ZNF385D: variants seen among roughly 807,000 people sequenced by gnomAD.
The protein encoded by ZNF385D is zinc finger protein 659.
A neutral mutation model predicts 35.8 loss-of-function variants in ZNF385D; 15 were observed. The ratio of observed to expected loss-of-function variants is 0.42; its 90% CI spans 0.28 to 0.64. The LOEUF (loss-of-function observed/expected upper bound fraction) is 0.64, where lower values mean the gene tolerates loss of function less well. Ranked by LOEUF, ZNF385D falls within the 30% of genes least tolerant of loss-of-function variation. The pLI, the probability that ZNF385D is intolerant of heterozygous loss-of-function variation, is 0.23. For missense variants in ZNF385D, 474 were observed against 494.6 expected (o/e 0.96, Z 0.39); for synonymous variants, 212 against 186.8 (o/e 1.13, Z -1.10).
intron 3 of ZNF385D, chr3:21,978,420 A>ATTTTTGC (rs939187173): frequency 2.6e-5 from 4 of 152,140 alleles, no homozygotes; most frequent in African/African-American, 9.7e-5. Flanking sequence ...TAATTTATTT[A>ATTTTTGC]TTTTTGCTTT....
chr3:21,468,988 A>C (rs1251452355), intron 4 of ZNF385D, among the ~76,000 whole-genome samples: 1 of 152,136 alleles, frequency 6.6e-6, no homozygotes, highest in Non-Finnish European at 1.5e-5. Flanking sequence ...GGAAAAACAA[A>C]GGTACTGTGA....
chr3:22,279,968 T>G (rs1268889430), intron 2 of ZNF385D, among the ~76,000 whole-genome samples: 1 of 152,054 alleles, frequency 6.6e-6, no homozygotes, highest in Non-Finnish European at 1.5e-5. Flanking sequence ...ATTTTAAAAT[T>G]ATGGCCATTC....
intron 4 of ZNF385D, among the ~76,000 whole-genome samples, chr3:21,493,034 C>T (rs572617659): frequency 1.4e-4 from 22 of 152,084 alleles, no homozygotes; most frequent in African/African-American, 5.3e-4. Context: ...TGGTTAGAAT[C>T]TTGGACTACA....
chr3:22,032,592 T>G (rs1036342503), intron 3 of ZNF385D, among the ~76,000 whole-genome samples: 1 of 152,132 alleles, frequency 6.6e-6, no homozygotes, highest in East Asian at 1.9e-4. Flanking sequence ...AAGCAGTGTA[T>G]AGAACTAGTA....
chr3:21,638,403 C>T (rs1366189421), intron 2 of ZNF385D, among the ~76,000 whole-genome samples: 1 of 152,004 alleles, frequency 6.6e-6, no homozygotes, highest in Non-Finnish European at 1.5e-5. Flanking sequence ...AGGTGTGCAA[C>T]AAGCCTCCTT....
At chr3:21,552,190 GC>G (rs1425321672) in intron 3 of ZNF385D, among the ~76,000 whole-genome samples, 1 of 152,154 alleles carries the variant, frequency 6.6e-6, no homozygotes, top group Non-Finnish European at 1.5e-5. Flanking sequence ...GTCGCATTGG[GC>G]TTAGAAAGCC....
chr3:21,895,043 A>C (rs1407402702), intron 3 of ZNF385D, among the ~76,000 whole-genome samples: 2 of 152,154 alleles, frequency 1.3e-5, no homozygotes, highest in Non-Finnish European at 2.9e-5. Flanking sequence ...CAGATAGGCC[A>C]GGGAGAGCTA....
At chr3:21,972,370 CA>C (rs1467892536) in intron 3 of ZNF385D, among the ~76,000 whole-genome samples, 1 of 151,796 alleles carries the variant, frequency 6.6e-6, no homozygotes, top group Non-Finnish European at 1.5e-5. Flanking sequence ...GAAAATGTAA[CA>C]AGTTCTTGAA....
At chr3:22,130,455 C>T (rs1193904918) in intron 3 of ZNF385D, among the ~76,000 whole-genome samples, 1 of 152,148 alleles carries the variant, frequency 6.6e-6, no homozygotes, top group African/African-American at 2.4e-5. Flanking sequence ...GTGATGGGTA[C>T]AGCTAGAACT....
At chr3:22,165,133 A>G (rs528325363) in intron 3 of ZNF385D, among the ~76,000 whole-genome samples, 1 of 152,286 alleles carries the variant, frequency 6.6e-6, no homozygotes, top group Non-Finnish European at 1.5e-5. Flanking sequence ...CACCAATGGT[A>G]AACACTCATG....
chr3:21,842,528 G>T (rs898411014), intron 3 of ZNF385D, among the ~76,000 whole-genome samples: 2 of 151,888 alleles, frequency 1.3e-5, no homozygotes, highest in African/African-American at 4.8e-5. Context: ...GGCTCTCTAG[G>T]GCCATCACAG....
chr3:22,057,634 C>T (rs1005033820), intron 3 of ZNF385D, among the ~76,000 whole-genome samples: 2 of 151,838 alleles, frequency 1.3e-5, no homozygotes, highest in Non-Finnish European at 2.9e-5. Context: ...CTCAACCTCC[C>T]GAGTAGCTGG....
chr3:21,749,957 G>GGATACGTT (rs1553651811), intron 1 of ZNF385D, among the ~76,000 whole-genome samples: 1 of 151,504 alleles, frequency 6.6e-6, no homozygotes, highest in Admixed American at 6.6e-5. Flanking sequence ...TTTGCATCTT[G>GGATACGTT]GATACATTTC....
chr3:22,169,389 A>G (rs1031272301), intron 2 of ZNF385D, among the ~76,000 whole-genome samples: 1 of 152,252 alleles, frequency 6.6e-6, no homozygotes, highest in Non-Finnish European at 1.5e-5. Flanking sequence ...ACAGCTAACA[A>G]GTGGTATAGC....
At chr3:22,283,753 C>A (rs1040526731) in intron 2 of ZNF385D, among the ~76,000 whole-genome samples, 4 of 152,158 alleles carry the variant, frequency 2.6e-5, no homozygotes, top group Admixed American at 6.6e-5. Flanking sequence ...TTCCCTAGCA[C>A]AGTGATCACC....
At chr3:21,996,119 G>T (rs958348656) in intron 3 of ZNF385D, among the ~76,000 whole-genome samples, 1 of 152,088 alleles carries the variant, frequency 6.6e-6, no homozygotes, top group Non-Finnish European at 1.5e-5. Context: ...ATGGAGCTGT[G>T]CTATAGCTGC....
chr3:21,733,125 C>T (rs146988520), intron 1 of ZNF385D, among the ~76,000 whole-genome samples: 4 of 151,838 alleles, frequency 2.6e-5, no homozygotes, highest in African/African-American at 9.7e-5. Flanking sequence ...CCGTTGGTTT[C>T]AGCACCATTT....
At chr3:22,090,399 A>C (rs2620539) in intron 3 of ZNF385D, among the ~76,000 whole-genome samples, 116,688 of 151,914 alleles carry the variant, frequency 0.77, 45,734 homozygotes, top group Non-Finnish European at 0.84. Flanking sequence ...GAAGCCAGTG[A>C]CTTAAGAGCC....
chr3:22,253,383 A>T (rs1576568936), intron 2 of ZNF385D, among the ~76,000 whole-genome samples: 1 of 152,054 alleles, frequency 6.6e-6, no homozygotes, highest in African/African-American at 2.4e-5. Context: ...AGTGAAAACA[A>T]GTTCAGTTTG....
Sources: allele counts gnomAD v4.1 joint callset (sites outside exome capture counted in the v4.1 genomes callset), GRCh38; gene constraint gnomAD v4.1.1; transcripts MANE v1.5; gene names NCBI Gene and HGNC (gene_info 2026-07-23, HGNC 2026-07-21).